The following CEP89 variants were observed in gnomAD, a reference collection of about 807,000 sequenced individuals.
CEP89 encodes the protein centrosomal protein 89, also known as centrosomal protein of 89 kDa.
In CEP89, 95 loss-of-function variants were observed where a neutral mutation model predicts 97.6. The observed-to-expected ratio is 0.97, with a 90% CI of 0.82 to 1.15. The LOEUF (loss-of-function observed/expected upper bound fraction) is 1.15, where lower values mean the gene tolerates loss of function less well. Among genes scored for constraint, CEP89 ranks in the 50% most tolerant of loss-of-function variants. The pLI, the probability that CEP89 is intolerant of heterozygous loss-of-function variation, is 0.00. For synonymous variants in CEP89, 354 were observed against 349.1 expected (o/e 1.01, Z -0.16); for missense variants, 869 against 947.7 (o/e 0.92, Z 1.09).
At chr19:32,927,914 T>G (rs1207022351) in intron 9 of CEP89, among the ~76,000 whole-genome samples, 1 of 149,648 alleles carries the variant, frequency 6.7e-6, no homozygotes, top group African/African-American at 2.4e-5. Context: ...TTTTTTTTTT[T>G]TTTTCTTTTT....
chr19:32,892,712 A>G (rs1969559050), intron 16 of CEP89, among the ~76,000 whole-genome samples: 1 of 151,862 alleles, frequency 6.6e-6, no homozygotes, highest in Non-Finnish European at 1.5e-5. Context: ...GCCAGCCAAG[A>G]ATACTATACC....
intron 15 of CEP89, among the ~76,000 whole-genome samples, chr19:32,901,043 C>G (rs189911102): frequency 6.6e-6 from 1 of 151,826 alleles, no homozygotes; most frequent in East Asian, 2.0e-4. Context: ...GTGCCACTAC[C>G]GCCTGGCTAA....
At chr19:32,887,576 T>C (rs748897758) in intron 17 of CEP89, among the ~76,000 whole-genome samples, 176 bp downstream of exon 17, 3 of 152,148 alleles carry the variant, frequency 2.0e-5, no homozygotes, top group Non-Finnish European at 4.4e-5. Context: ...GAACCAAAGT[T>C]TATTGAATGA....
chr19:32,923,566 A>G (rs1299465533), intron 11 of CEP89, 24 bp from the exon 12 acceptor site: 1 of 1,371,314 alleles, frequency 7.3e-7, no homozygotes, highest in Middle Eastern at 1.8e-4. Flanking sequence ...TACGTAAATT[A>G]TAACACACAC....
chr19:32,932,427 G>GA (rs1295955699), intron 8 of CEP89, among the ~76,000 whole-genome samples: 2 of 151,908 alleles, frequency 1.3e-5, no homozygotes, highest in Non-Finnish European at 2.9e-5. Context: ...TATATAAATA[G>GA]AAAAAGGTAT....
intron 4 of CEP89, among the ~76,000 whole-genome samples, chr19:32,948,856 C>G (rs1032261790): frequency 6.6e-6 from 1 of 152,156 alleles, no homozygotes; most frequent in Non-Finnish European, 1.5e-5. Context: ...TCTGGAGTAG[C>G]TGGGACCACA....
chr19:32,964,217 G>A (rs139214654), intron 2 of CEP89, among the ~76,000 whole-genome samples: 1 of 151,776 alleles, frequency 6.6e-6, no homozygotes, highest in Non-Finnish European at 1.5e-5. Context: ...TTGTTGCCCA[G>A]GCTAGAGTAC....
At chr19:32,954,035 AT>A (rs923890935) in intron 3 of CEP89, among the ~76,000 whole-genome samples, 41 of 146,304 alleles carry the variant, frequency 2.8e-4, no homozygotes, top group East Asian at 4.0e-4. Flanking sequence ...CGCCTGGCTA[AT>A]TTTTTTTTTT....
chr19:32,955,379 T>G lies in CEP89; in HGVS notation c.306-1578A>C, dbSNP rs7248137. ...TACCAGCTTAACCAGCCATTTTCCTTGCTTAGGTGGGGTTTTTTTCCTTCA... is the reference window on the plus strand; with the variant it reads ...TACCAGCTTAACCAGCCATTTTCCTGGCTTAGGTGGGGTTTTTTTCCTTCA... On this transcript the variant is annotated intron_variant, in intron 3 of 18. Coordinates refer to ENST00000305768, the MANE Select transcript of CEP89 (RefSeq NM_032816.5). Among the ~76,000 whole-genome samples the G allele has an allele frequency of 2.8e-3, 434 of 152,294 alleles. 2 individuals carry two copies. Among genetic ancestry groups the G allele is most frequent in the African/African-American group, 0.01 (419 of 41,554 alleles).
intron 16 of CEP89, among the ~76,000 whole-genome samples, chr19:32,899,226 A>T (rs1291854797): frequency 6.7e-6 from 1 of 150,228 alleles, no homozygotes; most frequent in Non-Finnish European, 1.5e-5. Flanking sequence ...CAACTCCCAC[A>T]CTCAAATGAA....
rs374979998 is a variant in CEP89, at chr19:32,927,429, G to T, written c.1030-445C>A. Among the ~76,000 whole-genome samples, 4 of 151,838 alleles carry T rather than the reference G, an allele frequency of 2.6e-5. No individual in the cohort carries two copies. The South Asian group carries it at 8.3e-4, about 32-fold the overall frequency. On this transcript the variant is annotated intron_variant, in intron 9 of 18. Transcript: ENST00000305768. ...ATATATATATATATTACTGCTCCTT[G>T]CAGAGCAGGGGTACCCCATAGGCAG...
chr19:32,931,792 G>C (rs1032836858), intron 8 of CEP89, among the ~76,000 whole-genome samples: 1 of 152,144 alleles, frequency 6.6e-6, no homozygotes, highest in Admixed American at 6.5e-5. Flanking sequence ...TTGAAAGTTT[G>C]TGGAAGTTTT....
chr19:32,888,058 C>G (rs1969437911), intron 16 of CEP89, among the ~76,000 whole-genome samples: 1 of 152,222 alleles, frequency 6.6e-6, no homozygotes, highest in African/African-American at 2.4e-5. Flanking sequence ...CTGCTCGACA[C>G]AAAGAGAAGA....
chr19:32,939,130 A>C (rs758640065), intron 6 of CEP89, among the ~76,000 whole-genome samples: 15 of 152,140 alleles, frequency 9.9e-5, no homozygotes, highest in African/African-American at 3.4e-4. Flanking sequence ...ATGTGCCTGT[A>C]GTCCCAGCTA....
At chr19:32,883,716 T>C (rs1304773366) in intron 17 of CEP89, among the ~76,000 whole-genome samples, 1 of 152,142 alleles carries the variant, frequency 6.6e-6, no homozygotes, top group African/African-American at 2.4e-5. Flanking sequence ...TTATTTCTAC[T>C]TTAGGGATTT....
rs896990957 is a variant in CEP89, at chr19:32,971,945, C to G, written c.-71G>C. 5.3e-6 allele frequency: 8 copies of G among 1,511,556 alleles called. No individual in the cohort carries two copies. In the African/African-American group the frequency reaches 1.1e-4, roughly 21 times the overall value. 93.6% of individuals were successfully genotyped at this position (1,511,556 alleles called of 1,614,324 possible). ...GATCTATCCACAGCCAGGGACCACT[C>G]CCTAAAGCCCGCCGCAGGCCCAGCC... On this transcript the variant is annotated 5_prime_UTR_variant, in exon 1 of 19. Transcript: ENST00000305768.
intron 1 of CEP89, among the ~76,000 whole-genome samples, chr19:32,968,639 G>A (rs1971334791): frequency 6.6e-6 from 1 of 151,816 alleles, no homozygotes; most frequent in Admixed American, 6.6e-5. Context: ...TTTAAAGAGT[G>A]AATCCCCCCT....
Position 32,908,969 on chromosome 19 carries a change from G to A in CEP89, c.1565+6368C>T, listed in dbSNP as rs1157732367. 2.0e-5 allele frequency among the ~76,000 whole-genome samples: 3 copies of A among 152,320 alleles called. No homozygotes were observed. The East Asian group carries it at 5.8e-4, about 29-fold the overall frequency. ...CCTGGTTGAAAAGAAGGCAAATAAT[G>A]GGTATTTTGTCTTGCTTTCTCTGCC... On this transcript the variant is annotated intron_variant, in intron 14 of 18. Transcript: ENST00000305768.
chr19:32,948,729 C>T (rs887744357), intron 4 of CEP89, among the ~76,000 whole-genome samples: 15 of 152,096 alleles, frequency 9.9e-5, no homozygotes, highest in Admixed American at 6.6e-5. Flanking sequence ...TAGTTTCCCC[C>T]CACCCCTTTT....
Sources: gnomAD v4.1 joint callset for allele counts (sites outside exome capture counted in the v4.1 genomes callset) on GRCh38, gnomAD v4.1.1 for gene constraint, MANE v1.5 for transcripts, NCBI Gene and HGNC (gene_info 2026-07-23, HGNC 2026-07-21) for gene names.